Variants in CA5A observed in about 807,000 individuals in gnomAD.
The protein encoded by CA5A is carbonic anhydrase 5A, mitochondrial.
A neutral mutation model predicts 37.1 loss-of-function variants in CA5A; 28 were observed. The ratio of observed to expected loss-of-function variants is 0.75; its 90% confidence interval spans 0.56 to 1.03. CA5A has a LOEUF of 1.03. CA5A is among the 50% of genes least tolerant of loss of function. The pLI, the probability that CA5A is intolerant of heterozygous loss-of-function variation, is 0.00. For missense variants in CA5A, 444 were observed against 399.9 expected (o/e 1.11, Z -0.94); for synonymous variants, 171 against 158.4 (o/e 1.08, Z -0.60).
Position 87,929,449 on chromosome 16 carries a change from C to G in CA5A, c.143-2504G>C, listed in dbSNP as rs562440524. Among the ~76,000 whole-genome samples, 552 of 118,450 alleles carry G rather than the reference C, an allele frequency of 4.7e-3. 2 individuals are homozygous for G. Among genetic ancestry groups the G allele is most frequent in the Non-Finnish European group, 7.1e-3 (417 of 58,692 alleles). 77.7% of individuals were successfully genotyped at this position (118,450 alleles called of 152,430 possible). On this transcript the variant is annotated intron_variant, in intron 1 of 6. Coordinates refer to ENST00000649794, the MANE Select transcript of CA5A (RefSeq NM_001739.2). Reference sequence around the variant, plus strand: ...CCTAGATGACAAGAGCAAATTCGGTCTCAAAAAAAAAAAAAAAAAAAGATA... The same window carrying G: ...CCTAGATGACAAGAGCAAATTCGGTGTCAAAAAAAAAAAAAAAAAAAGATA...
chr16:87,913,344 C>T (rs1338159875), intron 2 of CA5A, among the ~76,000 whole-genome samples: 2 of 144,494 alleles, frequency 1.4e-5, no homozygotes, highest in East Asian at 3.9e-4. Flanking sequence ...ATTCTGTCAC[C>T]CAGGCTGGAG....
intron 5 of CA5A, among the ~76,000 whole-genome samples, chr16:87,896,474 G>C (rs2055804562): frequency 6.6e-6 from 1 of 152,188 alleles, no homozygotes; most frequent in Non-Finnish European, 1.5e-5. Context: ...CTTCCTTTAT[G>C]CATGTGGTGA....
intron 2 of CA5A, chr16:87,923,658 C>G: frequency 1.0e-6 from 1 of 985,346 alleles, no homozygotes; most frequent in Non-Finnish European, 1.2e-6. Flanking sequence ...GGGTCAGCCA[C>G]CAGACCCTTT....
At chr16:87,907,579 A>G (rs1275419422) in intron 2 of CA5A, among the ~76,000 whole-genome samples, 1 of 152,218 alleles carries the variant, frequency 6.6e-6, no homozygotes, top group Non-Finnish European at 1.5e-5. Flanking sequence ...AGCCTGGTAG[A>G]TGCCATTTGT....
chr16:87,929,788 C>A lies in CA5A; in HGVS notation c.143-2843G>T, dbSNP rs1046142473. Among the ~76,000 whole-genome samples, 10 of 138,104 alleles carry A rather than the reference C, an allele frequency of 7.2e-5. No homozygotes were observed. The East Asian group carries it at 2.1e-3, about 29-fold the overall frequency. 90.6% of individuals were successfully genotyped at this position (138,104 alleles called of 152,430 possible). Reference sequence around the variant, plus strand: ...TCGGGAGGCTGAGGCAGCAGAATGGCGTGAGCCCGGGAGGCGGAGCTTGCA... The same window carrying A: ...TCGGGAGGCTGAGGCAGCAGAATGGAGTGAGCCCGGGAGGCGGAGCTTGCA... On this transcript the variant is annotated intron_variant, in intron 1 of 6. Coordinates refer to ENST00000649794, the MANE Select transcript of CA5A (RefSeq NM_001739.2).
intron 2 of CA5A, among the ~76,000 whole-genome samples, chr16:87,907,340 G>T (rs1328560682): frequency 1.3e-5 from 2 of 152,190 alleles, no homozygotes; most frequent in Non-Finnish European, 2.9e-5. Flanking sequence ...GCCTGTGTCT[G>T]TGGGGGAAAG....
chr16:87,927,133 C>G (rs2056324919), intron 1 of CA5A, among the ~76,000 whole-genome samples, 188 bp from the exon 2 acceptor site: 1 of 152,272 alleles, frequency 6.6e-6, no homozygotes, highest in African/African-American at 2.4e-5. Context: ...GCCTGCTCCT[C>G]TCCTTTCTGC....
intron 2 of CA5A, among the ~76,000 whole-genome samples, chr16:87,920,863 G>T (rs567807905): frequency 6.6e-6 from 1 of 151,988 alleles, no homozygotes; most frequent in Non-Finnish European, 1.5e-5. Flanking sequence ...GCACGATCTC[G>T]GCTGACCGCA....
intron 2 of CA5A, among the ~76,000 whole-genome samples, chr16:87,908,380 G>A (rs2055996091): frequency 1.3e-5 from 2 of 152,192 alleles, no homozygotes; most frequent in African/African-American, 4.8e-5. Context: ...TGGCAGTGGT[G>A]GTGATTGCGC....
In CA5A at chr16:87,926,877, A is replaced by T. The variant is rs541120340; in HGVS notation, c.211T>A (p.Trp71Arg). The change falls in exon 2 of 7, where the codon TGG becomes AGG. Residue 71 changes from tryptophan to arginine, a missense_variant. Coordinates refer to ENST00000649794, the MANE Select transcript of CA5A (RefSeq NM_001739.2). ...GTRQSPINIQ[W>R]RDSVYDPQLK... is the part of the protein sequence containing the mutation. ...TGGGGGTCATAGACGCTGTCCCTCCACTGGATGTTAATAGGAGACTGCCGG... is the reference window on the plus strand; with the variant it reads ...TGGGGGTCATAGACGCTGTCCCTCCTCTGGATGTTAATAGGAGACTGCCGG... 1 of 1,612,126 alleles carries T rather than the reference A, an allele frequency of 6.2e-7. No individual in the cohort carries two copies. Among genetic ancestry groups the T allele is most frequent in the South Asian group, 1.1e-5 (1 of 90,724 alleles).
At chr16:87,935,460 G>A (rs1403980814) in intron 1 of CA5A, among the ~76,000 whole-genome samples, 1 of 152,206 alleles carries the variant, frequency 6.6e-6, no homozygotes, top group Non-Finnish European at 1.5e-5. Context: ...GGGTCTGGAT[G>A]GTGAGTCGTG....
chr16:87,926,834 A>T lies in CA5A; in HGVS notation c.254T>A (p.Val85Asp). ...CAGGCAGGATGCCGCTTCATAGGAG[A>T]CCCTGAGTGGCTTCAGCTGGGGGTC... is the stretch of plus-strand genomic sequence containing the variant. ...VYDPQLKPLR[V>D]SYEAASCLYI... The change falls in exon 2 of 7, where the codon GTC becomes GAC. Residue 85 changes from valine (V) to aspartate (D), a missense_variant. Physicochemically the swap from Val to Asp is radical, Grantham distance 152. Coordinates refer to ENST00000649794, the MANE Select transcript of CA5A (RefSeq NM_001739.2). 1 of 1,613,868 alleles carries T rather than the reference A, an allele frequency of 6.2e-7. No homozygotes were observed. Among genetic ancestry groups the T allele is most frequent in the Non-Finnish European group, 8.5e-7 (1 of 1,179,898 alleles).
intron 2 of CA5A, among the ~76,000 whole-genome samples, chr16:87,913,952 G>T (rs1880572555): frequency 6.6e-6 from 1 of 152,232 alleles, no homozygotes; most frequent in Admixed American, 6.5e-5. Context: ...TTCACCACAA[G>T]AGGCGTGGGG....
rs950144799 is a variant in CA5A at position 87,911,231 on chromosome 16, G to A, written c.341-6327C>T. Among the ~76,000 whole-genome samples the A allele has an allele frequency of 8.5e-5, 13 of 152,110 alleles. No homozygotes were observed. The highest frequency in any genetic ancestry group is 1.8e-4 in the Non-Finnish European group (12 of 68,024). Reference sequence around the variant, plus strand: ...CAGCACTGGCCACTGTTGCCTCAGCGTTCTGTGTAAGCAGGTGCGTCAGAA... The same window carrying A: ...CAGCACTGGCCACTGTTGCCTCAGCATTCTGTGTAAGCAGGTGCGTCAGAA... On this transcript the variant is annotated intron_variant, in intron 2 of 6. Transcript: ENST00000649794. This position sits in a 1 kb window ranked among gnomAD's most constrained non-coding sequence, Gnocchi z 4.6.
At chr16:87,881,871 A>T (rs373438054) in exon 5 of CA5A, 26 of 152,362 alleles carry the variant, frequency 1.7e-4, no homozygotes, top group African/African-American at 5.8e-4. Context: ...GATTAGCACC[A>T]GTTTTTAAAA....
At chr16:87,929,201 C>T (rs934688900) in intron 1 of CA5A, among the ~76,000 whole-genome samples, 6 of 151,520 alleles carry the variant, frequency 4.0e-5, no homozygotes, top group African/African-American at 1.5e-4. Flanking sequence ...CCTATAATCC[C>T]AGTAGTTTGG....
Position 87,891,822 on chromosome 16 carries a change from G to A in CA5A, c.751C>T (p.Pro251Ser), listed in dbSNP as rs772414206. ...ESVTWIIQKE[P>S]VEVAPSQLSA... The stretch of plus-strand genomic sequence containing the variant: ...ACCTGGCTTGGGGCCACTTCAACGG[G>A]CTCCTTCTGGATGATCCAGGTGACC... Residue 251 changes from proline (P) to serine (S), a missense_variant, in exon 6 of 7, where the codon CCC (proline) becomes TCC (serine). By Grantham distance (74) the Pro-to-Ser change is moderately conservative. Transcript: ENST00000649794. 1.9e-6 allele frequency: 3 copies of A among 1,547,394 alleles called. No homozygotes were observed. The highest frequency in any genetic ancestry group is 1.7e-6 in the Non-Finnish European group (2 of 1,150,822).
In CA5A at chr16:87,898,994, C is replaced by G. The variant is rs764153598; in HGVS notation, c.618+2918G>C. Reference sequence around the variant, plus strand: ...AGGTGATCTATTCACCTCAGTCTCCCTAAGTGCTGGGGTTACATGTGTGAG... The same window carrying G: ...AGGTGATCTATTCACCTCAGTCTCCGTAAGTGCTGGGGTTACATGTGTGAG... On this transcript the variant is annotated intron_variant, in intron 5 of 6. Transcript: ENST00000649794. 7.2e-5 allele frequency among the ~76,000 whole-genome samples: 11 copies of G among 152,066 alleles called. 1 individual carries two copies. Among genetic ancestry groups the G allele is most frequent in the African/African-American group, 2.4e-4 (10 of 41,382 alleles).
intron 5 of CA5A, among the ~76,000 whole-genome samples, chr16:87,895,344 G>A (rs1261122932): frequency 2.0e-5 from 3 of 152,070 alleles, no homozygotes; most frequent in African/African-American, 4.8e-5. Flanking sequence ...TCAGGAGTTC[G>A]AGACCAGCCT....
Sources: allele counts gnomAD v4.1 joint callset (sites outside exome capture counted in the v4.1 genomes callset), GRCh38; gene constraint gnomAD v4.1.1; non-coding constraint Gnocchi (gnomAD v3.1); transcripts MANE v1.5; gene names NCBI Gene and HGNC (gene_info 2026-07-23, HGNC 2026-07-21).